Variants in APTX observed in about 807,000 individuals in gnomAD.
APTX encodes the protein forkhead-associated domain histidine triad-like protein.
Under a neutral mutation model 42.3 loss-of-function variants are expected in APTX, and 33 were observed. The observed-to-expected ratio is 0.78, with a 90% CI of 0.59 to 1.04. APTX has a LOEUF of 1.04. Among genes scored for constraint, APTX ranks in the 50% least tolerant of loss-of-function variants. APTX has a pLI of 0.00. For synonymous variants in APTX, 130 were observed against 146.7 expected (o/e 0.89, Z 0.82); for missense variants, 421 against 415.1 (o/e 1.01, Z -0.12).
chr9:33,000,770 C>A (rs932711619), intron 1 of APTX, among the ~76,000 whole-genome samples: 1 of 151,444 alleles, frequency 6.6e-6, no homozygotes, highest in Non-Finnish European at 1.5e-5. Flanking sequence ...CACAGCAATT[C>A]CAAATAGAAA....
upstream of APTX, among the ~76,000 whole-genome samples, chr9:33,005,815 C>T (rs949960633): frequency 2.6e-5 from 4 of 152,174 alleles, no homozygotes; most frequent in African/African-American, 9.7e-5. Context: ...TTAACAATAT[C>T]ATTTGTTGAA....
At position 33,020,601 on chromosome 9, in the gene APTX, C is replaced by T. The variant is rs146955746; in HGVS notation, c.-5+4422G>A. Reference sequence around the variant, plus strand: ...ATGGCAACGTTTGTAGAGTGTTTAGCGCAGTGCCTGGCAGGTCCTCACAAA... The same window carrying T: ...ATGGCAACGTTTGTAGAGTGTTTAGTGCAGTGCCTGGCAGGTCCTCACAAA... On this transcript the variant is annotated intron_variant, in intron 1 of 6. Transcript: ENST00000436040. Among the ~76,000 whole-genome samples, 680 of 152,280 alleles carry T rather than the reference C, an allele frequency of 4.5e-3. 5 individuals are homozygous for T. The highest frequency in any genetic ancestry group is 0.015 in the African/African-American group (635 of 41,564).
At position 33,017,020 on chromosome 9, in the gene APTX, A is replaced by T. The variant is rs1358812750; in HGVS notation, c.-5+8003T>A. Among the ~76,000 whole-genome samples the T allele has an allele frequency of 5.3e-5, 8 of 152,216 alleles. No individual in the cohort carries two copies. The South Asian group carries it at 1.7e-3, about 32-fold the overall frequency. ...AAACAGACAAAAATCTTTGCCTACA[A>T]ATAAAACTGTTCCTCTATTCATAAT... On this transcript the variant is annotated intron_variant, in intron 1 of 6. Coordinates refer to the APTX transcript ENST00000436040.
chr9:32,984,130 T>G (rs1217471006), intron 6 of APTX, among the ~76,000 whole-genome samples: 1 of 152,212 alleles, frequency 6.6e-6, no homozygotes, highest in African/African-American at 2.4e-5. Context: ...TTGAAAGAAA[T>G]CAGTCATTCC....
rs189474428 is a variant in APTX at position 32,989,404 on chromosome 9, C to G, written c.133+355G>C. 7.9e-5 allele frequency among the ~76,000 whole-genome samples: 12 copies of G among 152,250 alleles called. No individual in the cohort carries two copies. The East Asian group carries it at 2.1e-3, about 27-fold the overall frequency. On this transcript the variant is annotated intron_variant, in intron 2 of 7. Transcript: ENST00000379817. ...AGCAATATGTAAAGGACGGCACTAC[C>G]CCATTACTTCTCAGAAAGACATGGT... is the stretch of plus-strand genomic sequence containing the variant.
chr9:33,021,129 C>CA (rs11384877), intron 1 of APTX, among the ~76,000 whole-genome samples: 29,340 of 107,246 alleles, frequency 0.27, 3,165 homozygotes, highest in Middle Eastern at 0.37. Context: ...AACTCTGTCT[C>CA]AAAAAAAAAA....
At chr9:33,003,558 G>C (rs960737731), upstream of APTX, among the ~76,000 whole-genome samples, 9 of 152,072 alleles carry the variant, frequency 5.9e-5, no homozygotes, top group Non-Finnish European at 8.8e-5. Flanking sequence ...CTTGAACCCG[G>C]GAGGTAGAGG....
chr9:33,016,448 T>C (rs954746355), intron 1 of APTX, among the ~76,000 whole-genome samples: 1 of 152,166 alleles, frequency 6.6e-6, no homozygotes, highest in African/African-American at 2.4e-5. Flanking sequence ...GCAATAAACA[T>C]GTTTACTGCA....
At position 32,987,455 on chromosome 9, in the gene APTX, A is replaced by G. The variant is rs945274288; in HGVS notation, c.483+89T>C. ...CATCATGGTTAATAACCCCTCACGC[A>G]TTTCTGAACTTTAAAGTGTACAAAA... On this transcript the variant is annotated intron_variant, in intron 4 of 7. Transcript: ENST00000379817. The G allele has an allele frequency of 1.9e-5, 29 of 1,541,244 alleles. No individual in the cohort carries two copies. The African/African-American group carries it at 3.5e-4, about 19-fold the overall frequency.
At chr9:33,010,488 G>A (rs1175884106) in intron 1 of APTX, among the ~76,000 whole-genome samples, 1 of 152,148 alleles carries the variant, frequency 6.6e-6, no homozygotes, top group Non-Finnish European at 1.5e-5. Flanking sequence ...GGGAGGCTGA[G>A]GCGGGTGGAT....
At chr9:32,984,532 T>A in intron 6 of APTX, 99 bp downstream of exon 6, 1 of 1,243,058 alleles carries the variant, frequency 8.0e-7, no homozygotes, top group Non-Finnish European at 1.2e-6. Context: ...CCCACTTCCC[T>A]GGGTCTCAGT....
At chr9:33,017,372 C>T (rs1178315143) in intron 1 of APTX, among the ~76,000 whole-genome samples, 1 of 152,164 alleles carries the variant, frequency 6.6e-6, no homozygotes, top group African/African-American at 2.4e-5. Flanking sequence ...CTGGAAAGTC[C>T]AGGATCAAGG....
Position 32,989,900 on chromosome 9 carries a change from G to A in APTX, c.-4-5C>T. ...CAGCACACCCGCATCATCACTCTAAGGGACAAAACAAAAGAATCACTAGAA... is the reference window on the plus strand; with the variant it reads ...CAGCACACCCGCATCATCACTCTAAAGGACAAAACAAAAGAATCACTAGAA... On this transcript the variant is annotated splice_polypyrimidine_tract_variant and splice_region_variant and intron_variant, in intron 1 of 7. Transcript: ENST00000379817. 3 of 1,613,342 alleles carry A rather than the reference G, an allele frequency of 1.9e-6. No homozygotes were observed. Among genetic ancestry groups the A allele is most frequent in the Non-Finnish European group, 2.5e-6 (3 of 1,179,696 alleles).
chr9:32,984,912 G>T, intron 5 of APTX, 55 bp from the exon 6 acceptor site: 1 of 1,496,642 alleles, frequency 6.7e-7, no homozygotes, highest in Non-Finnish European at 9.3e-7. Context: ...TCTTCTGTGT[G>T]CCTGGTTGTT....
chr9:32,986,052 A>AG, intron 4 of APTX, 22 bp from the exon 5 acceptor site: 2 of 670,762 alleles, frequency 3.0e-6, no homozygotes, highest in Non-Finnish European at 4.4e-6. Context: ...ACAAAAAAAA[A>AG]AACAAAAAAA....
In APTX at chr9:33,009,438, GTTA is replaced by G. The variant is rs564863063; in HGVS notation, c.-5+15582_-5+15584del. Among the ~76,000 whole-genome samples, 626 of 152,182 alleles carry G rather than the reference GTTA, an allele frequency of 4.1e-3. 6 individuals carry two copies. The highest frequency in any genetic ancestry group is 0.014 in the African/African-American group (598 of 41,504). On this transcript the variant is annotated intron_variant, in intron 1 of 6. Transcript: ENST00000436040. ...ATGTTCGTGCTATTCTTTCTGGAAT[GTTA>G]TTCTTTCTTTTCTCCCTAATTCACT...
At chr9:32,989,585 G>C (rs549740252) in intron 2 of APTX, 174 bp downstream of exon 2, 8 of 962,952 alleles carry the variant, frequency 8.3e-6, no homozygotes, top group Non-Finnish European at 4.9e-6. Flanking sequence ...ATCACATTGG[G>C]AGGGCAGAAT....
intron 1 of APTX, chr9:32,990,121 C>T (rs906319285): frequency 1.7e-6 from 1 of 585,130 alleles, no homozygotes; most frequent in African/African-American, 1.9e-5. Flanking sequence ...TATTTACCTC[C>T]CTGCCTGAAT....
At chr9:33,016,676 C>T (rs569433677) in intron 1 of APTX, among the ~76,000 whole-genome samples, 28 of 151,712 alleles carry the variant, frequency 1.8e-4, no homozygotes, top group African/African-American at 6.3e-4. Flanking sequence ...CACTCCCCCC[C>T]CCATTTTTTT....
Sources: gnomAD v4.1 joint callset for allele counts (sites outside exome capture counted in the v4.1 genomes callset) on GRCh38, gnomAD v4.1.1 for gene constraint, MANE v1.5 for transcripts, NCBI Gene and HGNC (gene_info 2026-07-23, HGNC 2026-07-21) for gene names.